Variants in RABGEF1 observed in about 807,000 individuals in gnomAD.
RABGEF1 encodes the protein rab5 GDP/GTP exchange factor.
RABGEF1 carries 26 observed loss-of-function variants against 57.3 expected under a neutral mutation model. The ratio of observed to expected loss-of-function variants is 0.45; its 90% CI spans 0.33 to 0.63. RABGEF1 has a LOEUF of 0.63. RABGEF1 is among the 20% of genes least tolerant of loss of function. The pLI is 0.02. For missense variants in RABGEF1, 464 were observed against 607.6 expected, an observed-to-expected ratio of 0.76 and a Z score of 2.48; for synonymous variants, 185 against 210.7, an observed-to-expected ratio of 0.88 and a Z score of 1.06.
chr7:66,742,561 A>AG (rs1365330495), intron 1 of RABGEF1, among the ~76,000 whole-genome samples: 2 of 151,982 alleles, frequency 1.3e-5, no homozygotes, highest in Non-Finnish European at 2.9e-5. Context: ...AGTGAGGGAG[A>AG]GGGGGGAATC....
At chr7:66,711,565 T>C (rs1794782998) in intron 1 of RABGEF1, among the ~76,000 whole-genome samples, 1 of 152,072 alleles carries the variant, frequency 6.6e-6, no homozygotes, top group South Asian at 2.1e-4. Flanking sequence ...TGTATTTCTG[T>C]GGGTCTATTT....
the RABGEF1 span, chr7:66,665,313 T>A: frequency 6.7e-6 from 1 of 149,834 alleles, no homozygotes; most frequent in Non-Finnish European, 1.5e-5. Flanking sequence ...CCGTGCTAAT[T>A]TTTTTTTTTT....
At chr7:66,783,626 C>G in intron 3 of RABGEF1, 49 bp from the exon 4 acceptor site, 1 of 1,478,440 alleles carries the variant, frequency 6.8e-7, no homozygotes, top group Non-Finnish European at 9.1e-7. Context: ...TAATTCCATG[C>G]ATGGATCTTT....
intron 1 of RABGEF1, among the ~76,000 whole-genome samples, chr7:66,703,709 A>T (rs1352663674): frequency 6.6e-6 from 1 of 152,112 alleles, no homozygotes; most frequent in Non-Finnish European, 1.5e-5. Flanking sequence ...CTTTGTAAGT[A>T]AGTTTTGAAA....
intron 1 of RABGEF1, among the ~76,000 whole-genome samples, chr7:66,750,960 G>A (rs535939573): frequency 4.6e-5 from 7 of 151,910 alleles, no homozygotes; most frequent in African/African-American, 1.7e-4. Context: ...TTCAGATCTA[G>A]AATTTCAGTT....
chr7:66,695,636 C>T (rs914296949), intron 1 of RABGEF1, among the ~76,000 whole-genome samples: 1 of 151,374 alleles, frequency 6.6e-6, no homozygotes, highest in African/African-American at 2.4e-5. Flanking sequence ...AGATGACTGG[C>T]TGGGCACGGT....
chr7:66,730,287 A>G (rs1341587521), intron 2 of RABGEF1, among the ~76,000 whole-genome samples: 2 of 152,196 alleles, frequency 1.3e-5, no homozygotes, highest in Non-Finnish European at 2.9e-5. Flanking sequence ...ACCCTGAGGA[A>G]GTCACTCACT....
At chr7:66,686,034 T>A (rs1790571838) in intron 1 of RABGEF1, among the ~76,000 whole-genome samples, 1 of 152,050 alleles carries the variant, frequency 6.6e-6, no homozygotes. Flanking sequence ...ATCCCAACAC[T>A]TTGGGAAGCT....
At chr7:66,759,775 C>T (rs939518457) in intron 1 of RABGEF1, among the ~76,000 whole-genome samples, 6 of 152,212 alleles carry the variant, frequency 3.9e-5, no homozygotes. Context: ...TCATGATTAA[C>T]TGCCCCATGA....
chr7:66,809,385 T>G lies in RABGEF1; in HGVS notation c.*101T>G. The stretch of plus-strand genomic sequence containing the variant: ...AGAATGTAACTAAATTGCTTATAAA[T>G]GTCAGCATTTTTTAAAGGTACAGTA... On this transcript the variant is annotated 3_prime_UTR_variant, in exon 9 of 9. Coordinates refer to ENST00000284957, the MANE Select transcript of RABGEF1 (RefSeq NM_014504.3). The G allele has an allele frequency of 8.1e-7, 1 of 1,228,162 alleles. No homozygotes were observed. Among genetic ancestry groups the G allele is most frequent in the Non-Finnish European group, 1.1e-6 (1 of 951,424 alleles). 76.1% of individuals were successfully genotyped at this position (1,228,162 alleles called of 1,614,324 possible). A position where few individuals can be genotyped will look rare whatever the true frequency, so the allele number is the denominator to read the frequency against.
chr7:66,807,414 A>G (rs558878017), intron 8 of RABGEF1, among the ~76,000 whole-genome samples: 2 of 152,062 alleles, frequency 1.3e-5, no homozygotes, highest in Admixed American at 1.3e-4. Context: ...CAATTCCACT[A>G]CTTCCTTGTC....
At chr7:66,696,449 A>G (rs1792345282) in intron 1 of RABGEF1, among the ~76,000 whole-genome samples, 1 of 152,000 alleles carries the variant, frequency 6.6e-6, no homozygotes, top group African/African-American at 2.4e-5. Context: ...TAGCACTTTG[A>G]GAGGCCAAGG....
chr7:66,748,352 A>G (rs1800705963), intron 1 of RABGEF1, among the ~76,000 whole-genome samples: 1 of 152,046 alleles, frequency 6.6e-6, no homozygotes. Context: ...CACATTCTTC[A>G]CCTACCTTCC....
intron 1 of RABGEF1, chr7:66,748,708 G>C (rs1485591771): frequency 1.3e-5 from 2 of 152,716 alleles, no homozygotes; most frequent in Admixed American, 1.3e-4. Flanking sequence ...CTGAAGCAGG[G>C]ACGCTATGAG....
At chr7:66,751,179 C>T (rs192251823) in intron 1 of RABGEF1, among the ~76,000 whole-genome samples, 11 of 152,162 alleles carry the variant, frequency 7.2e-5, no homozygotes, top group Admixed American at 2.6e-4. Context: ...TACAGACGTG[C>T]GCCACCGCAC....
chr7:66,788,090 G>T (rs1465899485), intron 4 of RABGEF1, among the ~76,000 whole-genome samples: 1 of 152,074 alleles, frequency 6.6e-6, no homozygotes, highest in Admixed American at 6.5e-5. Context: ...TTTTAAAGGG[G>T]GCAGGCTCTA....
intron 1 of RABGEF1, among the ~76,000 whole-genome samples, chr7:66,757,635 G>A (rs1254579128): frequency 2.0e-5 from 3 of 152,138 alleles, no homozygotes; most frequent in Non-Finnish European, 2.9e-5. Flanking sequence ...TTTTTGAGAT[G>A]GAGTCTCGCT....
chr7:66,657,916 A>T, the RABGEF1 span, among the ~76,000 whole-genome samples: 3 of 152,210 alleles, frequency 2.0e-5, no homozygotes, highest in Non-Finnish European at 4.4e-5. Context: ...AGAAGAGCTA[A>T]CCCCAACCTA....
At position 66,695,614 on chromosome 7, in the gene RABGEF1, G is replaced by C. The variant is rs555478141; in HGVS notation, c.-873+13356G>C. Among the ~76,000 whole-genome samples the C allele has an allele frequency of 2.0e-5, 3 of 151,878 alleles. No homozygotes were observed. In the East Asian group the frequency reaches 5.9e-4, roughly 30 times the overall value. On this transcript the variant is annotated intron_variant and NMD_transcript_variant, in intron 1 of 9. Coordinates refer to the RABGEF1 transcript ENST00000607882. ...GAGAGTGGGTCGTGAGAAAGTGAGG[G>C]ATTAGAAGTGTAGATGACTGGCTGG... is the stretch of plus-strand genomic sequence containing the variant.
Sources: gnomAD v4.1 joint callset for allele counts (sites outside exome capture counted in the v4.1 genomes callset) on GRCh38, gnomAD v4.1.1 for gene constraint, MANE v1.5 for transcripts, NCBI Gene and HGNC (gene_info 2026-07-23, HGNC 2026-07-21) for gene names.